PAK6: variants seen among roughly 807,000 people sequenced by gnomAD.
PAK6 encodes the protein serine/threonine-protein kinase PAK 6.
A neutral mutation model predicts 60.8 loss-of-function variants in PAK6; 33 were observed. The ratio of observed to expected loss-of-function variants is 0.54; its 90% CI spans 0.41 to 0.73. The LOEUF (loss-of-function observed/expected upper bound fraction) is 0.73, where lower values mean the gene tolerates loss of function less well. Among genes scored for constraint, PAK6 ranks in the 30% least tolerant of loss-of-function variants. The pLI, the probability that PAK6 is intolerant of heterozygous loss-of-function variation, is 0.00. For synonymous variants in PAK6, 404 were observed against 378.5 expected, an observed-to-expected ratio of 1.07 and a Z score of -0.78; for missense variants, 845 against 904.1, an observed-to-expected ratio of 0.93 and a Z score of 0.84.
intron 1 of PAK6, among the ~76,000 whole-genome samples, chr15:40,240,302 GCTGGC>G (rs2038285781): frequency 6.6e-6 from 1 of 152,232 alleles, no homozygotes. Context: ...TGAGAAGGGT[GCTGGC>G]CAGGGTACGG....
intron 6 of PAK6, 31 bp downstream of exon 6, chr15:40,272,752 G>C (rs767028867): frequency 2.5e-6 from 4 of 1,577,890 alleles, no homozygotes; most frequent in African/African-American, 1.3e-5. Context: ...ACAGACGGGG[G>C]CGTTGGGGAT....
chr15:40,247,559 A>C (rs921549325), intron 2 of PAK6, among the ~76,000 whole-genome samples: 1 of 151,982 alleles, frequency 6.6e-6, no homozygotes, highest in Non-Finnish European at 1.5e-5. Flanking sequence ...GTGTTTGGGG[A>C]GGATGGTTTT....
At chr15:40,267,431 A>G (rs1211046329) in intron 5 of PAK6, among the ~76,000 whole-genome samples, 1 of 152,116 alleles carries the variant, frequency 6.6e-6, no homozygotes, top group Non-Finnish European at 1.5e-5. Context: ...GCCAAGGTGG[A>G]TGGGTCACGA....
chr15:40,264,966 C>T (rs780868410), exon 4 of PAK6: 24 of 1,613,366 alleles, frequency 1.5e-5, no homozygotes, highest in African/African-American at 2.7e-5. Context: ...GCGAATCACA[C>T]GGGTGCAGCT....
chr15:40,239,875 G>C (rs1043157257), intron 1 of PAK6, 73 bp downstream of exon 1: 1 of 152,606 alleles, frequency 6.6e-6, no homozygotes, highest in East Asian at 1.9e-4. Context: ...TGTGTGTGCC[G>C]TCCCCCTGCT....
At chr15:40,272,155 CCT>C in intron 5 of PAK6, 67 bp from the exon 6 acceptor site, 1 of 1,536,626 alleles carries the variant, frequency 6.5e-7, no homozygotes, top group Non-Finnish European at 8.8e-7. Context: ...GCGGCCAGCC[CCT>C]GCCTCCGGGA....
chr15:40,273,657 G>A (rs1406281161), exon 9 of PAK6: 1 of 1,614,040 alleles, frequency 6.2e-7, no homozygotes, highest in South Asian at 1.1e-5. Context: ...GTGATCTCCA[G>A]GTCTTTGTAT....
intron 3 of PAK6, among the ~76,000 whole-genome samples, chr15:40,261,233 G>T (rs1391189025): frequency 6.7e-6 from 1 of 149,288 alleles, no homozygotes; most frequent in Non-Finnish European, 1.5e-5. Flanking sequence ...AAATCCAGTT[G>T]ATTTTTTAAA....
chr15:40,260,641 A>G (rs1367649654), intron 3 of PAK6, among the ~76,000 whole-genome samples: 1 of 152,214 alleles, frequency 6.6e-6, no homozygotes, highest in Non-Finnish European at 1.5e-5. Flanking sequence ...ATTTCTGTAT[A>G]CATTTTAGAA....
exon 5 of PAK6, chr15:40,266,302 ATGGCTC>A (rs775705053): frequency 1.2e-6 from 2 of 1,612,024 alleles, no homozygotes; most frequent in Non-Finnish European, 1.7e-6. Context: ...GCTGCCAAGC[ATGGCTC>A]TGAGGAGGCC....
chr15:40,263,216 G>T (rs2039029103), intron 3 of PAK6, among the ~76,000 whole-genome samples: 2 of 152,186 alleles, frequency 1.3e-5, no homozygotes, highest in Admixed American at 1.3e-4. Context: ...AAGAGAACAT[G>T]ACGGCCCTGC....
intron 3 of PAK6, among the ~76,000 whole-genome samples, chr15:40,255,908 A>C (rs755506158): frequency 6.6e-6 from 1 of 152,226 alleles, no homozygotes; most frequent in Non-Finnish European, 1.5e-5. Flanking sequence ...ATCCTGCACT[A>C]CCATCTCTTC....
exon 5 of PAK6, chr15:40,266,129 G>A (rs2140981127): frequency 1.2e-6 from 2 of 1,609,922 alleles, no homozygotes; most frequent in East Asian, 2.2e-5. Flanking sequence ...CCGAGCCACA[G>A]AGCCCACGGG....
chr15:40,272,561 A>G, exon 6 of PAK6: 1 of 1,613,494 alleles, frequency 6.2e-7, no homozygotes, highest in Non-Finnish European at 8.5e-7. Context: ...ATGGTGGTGG[A>G]CCAGGGTGAC....
At chr15:40,257,671 T>A (rs1176164772) in intron 3 of PAK6, among the ~76,000 whole-genome samples, 1 of 152,062 alleles carries the variant, frequency 6.6e-6, no homozygotes, top group Non-Finnish European at 1.5e-5. Context: ...TGGCTTGAGG[T>A]TTAACGGCAG....
At chr15:40,247,460 C>G (rs1432803525) in intron 2 of PAK6, 1 of 152,228 alleles carries the variant, frequency 6.6e-6, no homozygotes, top group Non-Finnish European at 1.5e-5. Flanking sequence ...GGCGCCGCAG[C>G]CTGCAATGGT....
chr15:40,268,096 A>G (rs1285289902), intron 5 of PAK6, among the ~76,000 whole-genome samples: 1 of 152,190 alleles, frequency 6.6e-6, no homozygotes, highest in African/African-American at 2.4e-5. Flanking sequence ...GATGTCCCCC[A>G]TACTTGTGGG....
chr15:40,267,152 G>A (rs1416905542), intron 5 of PAK6, among the ~76,000 whole-genome samples: 3 of 152,162 alleles, frequency 2.0e-5, no homozygotes, highest in East Asian at 3.9e-4. Context: ...GCTCCTTCCT[G>A]GGAGGGTCAA....
intron 4 of PAK6, among the ~76,000 whole-genome samples, chr15:40,265,313 C>T (rs990939713): frequency 3.9e-5 from 6 of 152,242 alleles, no homozygotes; most frequent in Non-Finnish European, 8.8e-5. Context: ...CCTGCAGCCC[C>T]ATAGGGACTG....
Sources: gnomAD v4.1 joint callset for allele counts (sites outside exome capture counted in the v4.1 genomes callset) on GRCh38, gnomAD v4.1.1 for gene constraint, MANE v1.5 for transcripts, NCBI Gene and HGNC (gene_info 2026-07-23, HGNC 2026-07-21) for gene names.